The following PDE6D variants were observed in gnomAD, a reference collection of about 807,000 sequenced individuals.
The protein encoded by PDE6D is retinal rod rhodopsin-sensitive cGMP 3',5'-cyclic phosphodiesterase subunit delta.
Under a neutral mutation model 21.9 loss-of-function variants are expected in PDE6D, and 10 were observed. The observed-to-expected ratio is 0.46, with a 90% CI of 0.28 to 0.78. The LOEUF is 0.78. PDE6D is among the 30% of genes least tolerant of loss of function. The pLI, the probability that PDE6D is intolerant of heterozygous loss-of-function variation, is 0.12. For missense variants in PDE6D, 139 were observed against 184.8 expected (o/e 0.75, Z 1.44); for synonymous variants, 59 against 63.5 (o/e 0.93, Z 0.34).
intron 1 of PDE6D, among the ~76,000 whole-genome samples, chr2:231,743,154 C>T (rs1473626765): frequency 2.6e-5 from 4 of 151,768 alleles, no homozygotes; most frequent in Admixed American, 1.3e-4. Flanking sequence ...GGCTGGGCGT[C>T]GTGGCTCACG....
intron 1 of PDE6D, among the ~76,000 whole-genome samples, chr2:231,746,236 G>C (rs1438065721): frequency 6.6e-6 from 1 of 152,166 alleles, no homozygotes; most frequent in Non-Finnish European, 1.5e-5. Flanking sequence ...CCACGTCCCA[G>C]GTTCAAGTGA....
chr2:231,776,164 T>TA (rs1311933409), intron 1 of PDE6D, among the ~76,000 whole-genome samples: 3 of 151,720 alleles, frequency 2.0e-5, no homozygotes, highest in African/African-American at 7.3e-5. Context: ...CTACTAAAAA[T>TA]ACAAAAATTA....
intron 1 of PDE6D, among the ~76,000 whole-genome samples, chr2:231,768,109 T>C (rs891447453): frequency 2.6e-5 from 4 of 152,178 alleles, no homozygotes; most frequent in African/African-American, 9.6e-5. Flanking sequence ...CCTCCCAAAG[T>C]GTTGGGATTA....
chr2:231,775,856 T>A (rs2049052025), intron 1 of PDE6D, among the ~76,000 whole-genome samples: 1 of 152,176 alleles, frequency 6.6e-6, no homozygotes, highest in South Asian at 2.1e-4. Context: ...ACATTACTAC[T>A]CTGTATCTTA....
At chr2:231,761,101 A>C (rs1475310017) in intron 1 of PDE6D, among the ~76,000 whole-genome samples, 1 of 152,174 alleles carries the variant, frequency 6.6e-6, no homozygotes, top group Non-Finnish European at 1.5e-5. Context: ...TTCTGAGACC[A>C]TTTCTATAAA....
At chr2:231,755,097 C>T (rs1025147678) in intron 1 of PDE6D, among the ~76,000 whole-genome samples, 11 of 152,034 alleles carry the variant, frequency 7.2e-5, no homozygotes, top group Non-Finnish European at 1.2e-4. Flanking sequence ...CATAAGGATA[C>T]GAGAAAACAG....
chr2:231,773,276 A>G (rs2049029337), intron 1 of PDE6D, among the ~76,000 whole-genome samples: 2 of 152,212 alleles, frequency 1.3e-5, no homozygotes, highest in Admixed American at 1.3e-4. Context: ...CATTATATTC[A>G]TTTAATCCAT....
intron 3 of PDE6D, 37 bp from the exon 4 acceptor site, chr2:231,737,329 C>T: frequency 8.6e-7 from 1 of 1,161,884 alleles, no homozygotes; most frequent in South Asian, 1.2e-5. Flanking sequence ...GAGCAGGTGC[C>T]CCAGTATAAA....
chr2:231,777,300 T>C (rs188937313), intron 1 of PDE6D, among the ~76,000 whole-genome samples: 160 of 152,332 alleles, frequency 1.1e-3, no homozygotes, highest in African/African-American at 3.6e-3. Context: ...CCATGCCTAA[T>C]TTATGCATAC....
At position 231,738,141 on chromosome 2, in the gene PDE6D, G is replaced by A. The variant is rs368073853; in HGVS notation, c.140-3C>T. ...GAGGATTTTCTTGGGAACACGGGCT[G>A]GTAAGAGAAAAACAAATGTTGAAGC... On this transcript the variant is annotated splice_polypyrimidine_tract_variant and splice_region_variant and intron_variant, in intron 2 of 4. Transcript: ENST00000287600. The A allele has an allele frequency of 1.4e-4, 218 of 1,607,620 alleles. No individual in the cohort carries two copies. In the African/African-American group the frequency reaches 2.4e-3, roughly 18 times the overall value.
chr2:231,736,319 C>T (rs2048702338), intron 4 of PDE6D, among the ~76,000 whole-genome samples: 1 of 145,794 alleles, frequency 6.9e-6, no homozygotes, highest in East Asian at 1.9e-4. Context: ...GTGGGACTAA[C>T]TCTTTTTTTT....
rs561756450 is a variant in PDE6D at position 231,742,242 on chromosome 2, C to T, written c.51-3054G>A. On this transcript the variant is annotated intron_variant, in intron 1 of 4. Coordinates refer to ENST00000287600, the MANE Select transcript of PDE6D (RefSeq NM_002601.4). ...GTTCAAGCAATTCTCCTGCCTCAGC[C>T]TCCTGAGTAGCTGGGATTACAGGCA... Among the ~76,000 whole-genome samples, 46 of 152,212 alleles carry T rather than the reference C, an allele frequency of 3.0e-4. 1 individual carries two copies. The South Asian group carries it at 9.1e-3, about 30-fold the overall frequency.
rs890970801 is a variant in PDE6D, at chr2:231,754,555, A to G, written c.51-15367T>C. Among the ~76,000 whole-genome samples the G allele has an allele frequency of 3.5e-5, 5 of 141,732 alleles. 1 individual carries two copies. Among genetic ancestry groups the G allele is most frequent in the African/African-American group, 1.3e-4 (5 of 37,844 alleles). 93.0% of individuals were successfully genotyped at this position (141,732 alleles called of 152,430 possible). A position where few individuals can be genotyped will look rare whatever the true frequency, so the allele number is the denominator to read the frequency against. On this transcript the variant is annotated intron_variant, in intron 1 of 4. Transcript: ENST00000287600. The stretch of plus-strand genomic sequence containing the variant: ...TTTTTTTTTTTTTGGTATTTTTAGT[A>G]GAGACAGGGTTTCACAATGTTGGCC...
At chr2:231,737,955 T>C (rs2048715731) in intron 3 of PDE6D, 58 bp downstream of exon 3, 2 of 1,533,996 alleles carry the variant, frequency 1.3e-6, no homozygotes, top group East Asian at 2.3e-5. Flanking sequence ...CTGGGTATTG[T>C]TGCCTTTTGT....
rs528828976 is a variant in PDE6D, at chr2:231,780,131, C to T, written c.50+934G>A. 3.3e-5 allele frequency among the ~76,000 whole-genome samples: 5 copies of T among 152,282 alleles called. No homozygotes were observed. The East Asian group carries it at 7.7e-4, about 23-fold the overall frequency. ...TATGGTGACAGACTAACACACTCCA[C>T]GAAAACACAAAGCTTCCTTACGGAG... is the stretch of plus-strand genomic sequence containing the variant. On this transcript the variant is annotated intron_variant, in intron 1 of 4. Transcript: ENST00000287600.
intron 1 of PDE6D, among the ~76,000 whole-genome samples, chr2:231,745,251 T>G (rs1314718819): frequency 6.6e-6 from 1 of 151,748 alleles, no homozygotes. Context: ...CGAGGAAACA[T>G]TTGGCTAAAA....
At chr2:231,777,992 G>C (rs773609867) in intron 1 of PDE6D, among the ~76,000 whole-genome samples, 1 of 152,232 alleles carries the variant, frequency 6.6e-6, no homozygotes, top group East Asian at 1.9e-4. Flanking sequence ...TTGAGGCCAG[G>C]CACGGTGGCT....
Position 231,737,282 on chromosome 2 carries a change from G to A in PDE6D, c.276C>T (p.Phe92=), listed in dbSNP as rs571686278. ...FKGQCLEEWF[F]EFGFVIPNST... Reference sequence around the variant, plus strand: ...AGTTAGGGATCACAAAGCCAAACTCGAAGAACCATTCTGAAGGAAGAAGGA... The same window carrying A: ...AGTTAGGGATCACAAAGCCAAACTCAAAGAACCATTCTGAAGGAAGAAGGA... The change falls in exon 4 of 5, where the codon TTC becomes TTT. Residue 92 remains phenylalanine (F), a synonymous_variant. Coordinates refer to ENST00000287600, the MANE Select transcript of PDE6D (RefSeq NM_002601.4). The A allele has an allele frequency of 3.7e-6, 6 of 1,603,826 alleles. No individual in the cohort carries two copies. The highest frequency in any genetic ancestry group is 3.3e-5 in the South Asian group (3 of 90,840).
At chr2:231,742,927 C>A (rs1445112118) in intron 1 of PDE6D, among the ~76,000 whole-genome samples, 1 of 152,200 alleles carries the variant, frequency 6.6e-6, no homozygotes, top group South Asian at 2.1e-4. Context: ...GCATGCCAAC[C>A]TGCCCTTTCC....
Sources: allele counts gnomAD v4.1 joint callset (sites outside exome capture counted in the v4.1 genomes callset), GRCh38; gene constraint gnomAD v4.1.1; transcripts MANE v1.5; gene names NCBI Gene and HGNC (gene_info 2026-07-23, HGNC 2026-07-21).